PRIMPOL: variants seen among roughly 807,000 people sequenced by gnomAD.
The protein encoded by PRIMPOL is primase and DNA directed polymerase, also known as DNA-directed primase/polymerase protein.
PRIMPOL carries 54 observed loss-of-function variants against 63.6 expected under a neutral mutation model. The ratio of observed to expected loss-of-function variants is 0.85; its 90% confidence interval spans 0.68 to 1.07. PRIMPOL has a LOEUF of 1.07. Among genes scored for constraint, PRIMPOL ranks in the 50% least tolerant of loss-of-function variants. The pLI, the probability that PRIMPOL is intolerant of heterozygous loss-of-function variation, is 0.00. For synonymous variants in PRIMPOL, 197 were observed against 220.2 expected, an observed-to-expected ratio of 0.89 and a Z score of 0.93; for missense variants, 610 against 648.3, an observed-to-expected ratio of 0.94 and a Z score of 0.64.
At chr4:184,689,322 A>C (rs1293830619) in intron 11 of PRIMPOL, among the ~76,000 whole-genome samples, 1 of 151,916 alleles carries the variant, frequency 6.6e-6, no homozygotes, top group Non-Finnish European at 1.5e-5. Flanking sequence ...TCAGCCTCCC[A>C]AAATGCTGGA....
At chr4:184,670,787 A>G (rs1203362855) in intron 6 of PRIMPOL, among the ~76,000 whole-genome samples, 1 of 152,114 alleles carries the variant, frequency 6.6e-6, no homozygotes, top group African/African-American at 2.4e-5. Flanking sequence ...ACCTCAAGTG[A>G]TCTGCCCACC....
intron 8 of PRIMPOL, among the ~76,000 whole-genome samples, chr4:184,681,284 G>A (rs1035395103): frequency 6.6e-6 from 1 of 151,698 alleles, no homozygotes; most frequent in Non-Finnish European, 1.5e-5. Context: ...TAAAATTGTT[G>A]TAACAAAAAA....
intron 6 of PRIMPOL, among the ~76,000 whole-genome samples, chr4:184,670,843 C>T (rs1197943436): frequency 6.6e-6 from 1 of 152,154 alleles, no homozygotes; most frequent in Non-Finnish European, 1.5e-5. Context: ...GCCACCACAC[C>T]TGGCTGAGTA....
chr4:184,678,337 C>G lies in PRIMPOL; in HGVS notation c.950C>G (p.Ser317Ter), dbSNP rs774627798. The G allele has an allele frequency of 1.2e-5, 19 of 1,607,872 alleles. No homozygotes were observed. The South Asian group carries it at 2.0e-4, about 17-fold the overall frequency. ...GATAACAAATTTTTTCCTATACAGT[C>G]AAAAGATGTTTCTGACGAATATCAA... ...TEDNKFFPIQ[S>*]KDVSDEYQYF... The change falls in exon 8 of 14, where the codon TCA (serine) becomes TGA (stop). Residue 317 changes from serine (S) to a stop codon, truncating the protein, a stop_gained. Coordinates refer to ENST00000314970, the MANE Select transcript of PRIMPOL (RefSeq NM_152683.4). LOFTEE classifies it high-confidence loss of function.
At position 184,694,532 on chromosome 4, in the gene PRIMPOL, T is replaced by A; in HGVS notation, c.1436T>A (p.Phe479Tyr). 1.9e-6 allele frequency: 3 copies of A among 1,611,318 alleles called. No homozygotes were observed. Residue 479 changes from phenylalanine to tyrosine, a missense_variant, in exon 14 of 14, where the codon TTT becomes TAT. By Grantham distance (22) the Phe-to-Tyr change is conservative. Transcript: ENST00000314970. ...LLFLFKEEEE[F>Y]TTDEADETRS... ...ACCACTGAAATAAAGGAAGAAGAGTTTACAACAGATGAAGCAGATGAAACT... is the reference window on the plus strand; with the variant it reads ...ACCACTGAAATAAAGGAAGAAGAGTATACAACAGATGAAGCAGATGAAACT...
intron 4 of PRIMPOL, 29 bp downstream of exon 4, chr4:184,659,466 T>C: frequency 6.9e-7 from 1 of 1,445,880 alleles, no homozygotes. Flanking sequence ...AACCACACAT[T>C]AAGCTAGAGT....
intron 1 of PRIMPOL, among the ~76,000 whole-genome samples, chr4:184,651,018 G>C (rs1274693397): frequency 6.6e-6 from 1 of 151,806 alleles, no homozygotes; most frequent in Non-Finnish European, 1.5e-5. Context: ...GTCCCGGCGC[G>C]GTGGCTCATG....
intron 5 of PRIMPOL, among the ~76,000 whole-genome samples, chr4:184,663,835 T>C (rs1579359797): frequency 6.6e-6 from 1 of 152,266 alleles, no homozygotes; most frequent in East Asian, 1.9e-4. Context: ...TATTGGTTAC[T>C]TTGTATGCAA....
At chr4:184,680,040 GA>G (rs1471407835) in intron 8 of PRIMPOL, among the ~76,000 whole-genome samples, 2 of 152,178 alleles carry the variant, frequency 1.3e-5, no homozygotes, top group Non-Finnish European at 2.9e-5. Context: ...CAGTTTCCAA[GA>G]ATCTATCCAT....
At chr4:184,665,376 T>C (rs1212108248) in intron 5 of PRIMPOL, among the ~76,000 whole-genome samples, 4 of 152,158 alleles carry the variant, frequency 2.6e-5, no homozygotes. Context: ...TGCCTTTCTA[T>C]TGTGCATGGC....
At chr4:184,686,720 G>A (rs919586603) in intron 11 of PRIMPOL, among the ~76,000 whole-genome samples, 2 of 152,068 alleles carry the variant, frequency 1.3e-5, no homozygotes, top group African/African-American at 2.4e-5. Context: ...CTGTGTGCTG[G>A]ACATGGGGAA....
chr4:184,674,314 T>G (rs1752717111), intron 7 of PRIMPOL, among the ~76,000 whole-genome samples: 1 of 152,184 alleles, frequency 6.6e-6, no homozygotes, highest in Non-Finnish European at 1.5e-5. Flanking sequence ...TTGAAGTATG[T>G]GACATTTATA....
intron 13 of PRIMPOL, among the ~76,000 whole-genome samples, chr4:184,693,546 A>AAAT (rs1759574571): frequency 6.6e-6 from 1 of 152,220 alleles, no homozygotes; most frequent in Non-Finnish European, 1.5e-5. Context: ...TTTTTAAAAC[A>AAAT]AATATTTTAA....
chr4:184,688,016 G>A (rs1262893353), intron 11 of PRIMPOL, among the ~76,000 whole-genome samples: 1 of 152,180 alleles, frequency 6.6e-6, no homozygotes, highest in Admixed American at 6.5e-5. Flanking sequence ...GCAGTATGTA[G>A]CTGTTGCTTA....
chr4:184,672,040 G>A, intron 6 of PRIMPOL, 133 bp from the exon 7 acceptor site: 4 of 850,332 alleles, frequency 4.7e-6, no homozygotes, highest in Non-Finnish European at 7.4e-6. Flanking sequence ...GTGCCCGGCA[G>A]CAACCCAGTT....
chr4:184,672,501 T>C, intron 7 of PRIMPOL, 41 bp downstream of exon 7: 1 of 1,550,076 alleles, frequency 6.5e-7, no homozygotes, highest in African/African-American at 1.4e-5. Context: ...ACCGCCCTGG[T>C]GCTTTCGTGA....
chr4:184,692,845 T>C (rs1232601313), intron 13 of PRIMPOL, among the ~76,000 whole-genome samples: 1 of 152,214 alleles, frequency 6.6e-6, no homozygotes, highest in African/African-American at 2.4e-5. Flanking sequence ...ACCTCAGTTG[T>C]TTTAATTTGC....
chr4:184,661,758 G>C lies in PRIMPOL; in HGVS notation c.279-16G>C, dbSNP rs1423721779. 3 of 1,513,622 alleles carry C rather than the reference G, an allele frequency of 2.0e-6. No homozygotes were observed. Among genetic ancestry groups the C allele is most frequent in the Non-Finnish European group, 2.7e-6 (3 of 1,095,888 alleles). The allele number at this position is 1,513,622 out of a possible 1,614,324, so 93.8% of individuals were successfully genotyped here. On this transcript the variant is annotated splice_polypyrimidine_tract_variant and intron_variant, in intron 4 of 13. Transcript: ENST00000314970. ...TATAATATATCAATTTAACAATCTTGAATTATTCAATTTAGAAAAAATCTC... is the reference window on the plus strand; with the variant it reads ...TATAATATATCAATTTAACAATCTTCAATTATTCAATTTAGAAAAAATCTC...
Position 184,694,403 on chromosome 4 carries a change from A to G in PRIMPOL, c.1426-119A>G, listed in dbSNP as rs1467468598. On this transcript the variant is annotated intron_variant, in intron 13 of 13. Coordinates refer to ENST00000314970, the MANE Select transcript of PRIMPOL (RefSeq NM_152683.4). ...ATCGGAGACAGCATTCCTCCTGCATATTCACTTTAGTATCTGTCACTTAAT... is the reference window on the plus strand; with the variant it reads ...ATCGGAGACAGCATTCCTCCTGCATGTTCACTTTAGTATCTGTCACTTAAT... 4 of 1,429,172 alleles carry G rather than the reference A, an allele frequency of 2.8e-6. No homozygotes were observed. In the African/African-American group the frequency reaches 4.4e-5, roughly 16 times the overall value. 88.5% of individuals were successfully genotyped at this position (1,429,172 alleles called of 1,614,324 possible). A position where few individuals can be genotyped will look rare whatever the true frequency, so the allele number is the denominator to read the frequency against.
Sources: gnomAD v4.1 joint callset for allele counts (sites outside exome capture counted in the v4.1 genomes callset) on GRCh38, gnomAD v4.1.1 for gene constraint, MANE v1.5 for transcripts, NCBI Gene and HGNC (gene_info 2026-07-23, HGNC 2026-07-21) for gene names.